Variants in NR2E1 observed in about 807,000 individuals in gnomAD.
NR2E1 encodes the protein nuclear receptor subfamily 2 group E member 1.
In NR2E1, 5 loss-of-function variants were observed where a neutral mutation model predicts 43.6. The observed-to-expected ratio is 0.11, with a 90% confidence interval of 0.06 to 0.24. NR2E1 has a LOEUF of 0.24. NR2E1 is among the 10% of genes least tolerant of loss of function. NR2E1 has a pLI of 1.00. For missense variants in NR2E1, 287 were observed against 496.7 expected, an observed-to-expected ratio of 0.58 and a Z score of 4.01; for synonymous variants, 191 against 195.5, an observed-to-expected ratio of 0.98 and a Z score of 0.19.
intron 4 of NR2E1, 116 bp from the exon 5 acceptor site, chr6:108,177,979 A>C: frequency 8.7e-7 from 1 of 1,145,880 alleles, no homozygotes; most frequent in Admixed American, 1.8e-5. Flanking sequence ...TTTAAACAAA[A>C]CATCCAAATT....
chr6:108,176,821 G>A, intron 4 of NR2E1, 83 bp downstream of exon 4: 1 of 1,339,638 alleles, frequency 7.5e-7, no homozygotes, highest in Non-Finnish European at 1.0e-6. Context: ...TGTGTGATTG[G>A]GGTCAGGCAA....
chr6:108,176,606 C>A lies in NR2E1; in HGVS notation c.363C>A (p.Pro121=). The part of the protein sequence containing the change: ...KEENGAAAHF[P]SAALPAPAFF... The stretch of plus-strand genomic sequence containing the variant: ...AGAACGGGGCCGCCGCGCACTTTCC[C>A]TCGGCGGCGCTCCCTGCGCCGGCCT... Residue 121 remains proline (P), a synonymous_variant, in exon 4 of 9, where the codon CCC becomes CCA. Coordinates refer to ENST00000368986, the MANE Select transcript of NR2E1 (RefSeq NM_003269.5). The A allele has an allele frequency of 1.9e-6, 3 of 1,612,334 alleles. No individual in the cohort carries two copies. Among genetic ancestry groups the A allele is most frequent in the Non-Finnish European group, 2.5e-6 (3 of 1,179,806 alleles).
Position 108,187,664 on chromosome 6 carries a change from A to G in NR2E1, c.*201A>G. 1.7e-6 allele frequency: 1 copy of G among 590,894 alleles called. No individual in the cohort carries two copies. The highest frequency in any genetic ancestry group is 3.0e-6 in the Non-Finnish European group (1 of 331,600). The allele number at this position is 590,894 out of a possible 1,614,324, so 36.6% of individuals were successfully genotyped here. A position where few individuals can be genotyped will look rare whatever the true frequency, so the allele number is the denominator to read the frequency against. ...CCAGGATAGGGCGGGTGGGAAGGAG[A>G]GGGGTGCAACAGGACCGCCTGCACT... On this transcript the variant is annotated 3_prime_UTR_variant, in exon 9 of 9. Coordinates refer to ENST00000368986, the MANE Select transcript of NR2E1 (RefSeq NM_003269.5).
intron 2 of NR2E1, among the ~76,000 whole-genome samples, chr6:108,172,577 C>T (rs539739411): frequency 3.6e-4 from 55 of 152,298 alleles, no homozygotes; most frequent in African/African-American, 1.3e-3. Context: ...GTACAGAGTC[C>T]TCCATTTCAC....
In NR2E1 at chr6:108,176,437, G is replaced by A. The variant is rs552065706; in HGVS notation, c.260-66G>A. 6.6e-6 allele frequency: 10 copies of A among 1,512,650 alleles called. No homozygotes were observed. In the Admixed American group the frequency reaches 1.4e-4, roughly 22 times the overall value. The allele number at this position is 1,512,650 out of a possible 1,614,324, so 93.7% of individuals were successfully genotyped here. A position where few individuals can be genotyped will look rare whatever the true frequency, so the allele number is the denominator to read the frequency against. Reference sequence around the variant, plus strand: ...TGACATTGGGGCGGGGCTGGGGGGAGAGCCGCAGCGGCTGTGTCTCGACGT... The same window carrying A: ...TGACATTGGGGCGGGGCTGGGGGGAAAGCCGCAGCGGCTGTGTCTCGACGT... On this transcript the variant is annotated intron_variant, in intron 3 of 8. Coordinates refer to ENST00000368986, the MANE Select transcript of NR2E1 (RefSeq NM_003269.5).
chr6:108,178,516 G>C (rs1773936132), intron 5 of NR2E1, among the ~76,000 whole-genome samples: 2 of 152,158 alleles, frequency 1.3e-5, no homozygotes, highest in Non-Finnish European at 2.9e-5. Flanking sequence ...CTTTTTGTTT[G>C]ATTGGAACAG....
intron 8 of NR2E1, among the ~76,000 whole-genome samples, chr6:108,186,058 G>A (rs1282126434): frequency 6.6e-6 from 1 of 152,184 alleles, no homozygotes; most frequent in African/African-American, 2.4e-5. Context: ...AGTGGCCAAG[G>A]TGAAAGGGAG....
rs2233494 is a variant in NR2E1 at position 108,178,145 on chromosome 6, G to A, written c.546G>A (p.Thr182=). Residue 182 remains threonine, a synonymous_variant, in exon 5 of 9, where the codon ACG becomes ACA. Coordinates refer to ENST00000368986, the MANE Select transcript of NR2E1 (RefSeq NM_003269.5). ...CAATGTATCTCTATGAAGTGGCCAC[G>A]GAGTCGGTGTGTGAATCAGCTGCCA... is the stretch of plus-strand genomic sequence containing the variant. ...GTPMYLYEVA[T]ESVCESAARL... is the part of the protein sequence containing the mutation. 1.1e-4 allele frequency: 177 copies of A among 1,614,172 alleles called. No homozygotes were observed. In the African/African-American group the frequency reaches 1.6e-3, roughly 14 times the overall value.
At chr6:108,175,888 A>T (rs1189061891) in intron 3 of NR2E1, among the ~76,000 whole-genome samples, 1 of 152,112 alleles carries the variant, frequency 6.6e-6, no homozygotes, top group African/African-American at 2.4e-5. Context: ...TGTTTGTTTA[A>T]ACTGTTGGTG....
intron 4 of NR2E1, 40 bp downstream of exon 4, chr6:108,176,778 G>T (rs1262304554): frequency 6.6e-7 from 1 of 1,515,040 alleles, no homozygotes. Context: ...TCGTGCCAGC[G>T]AATGGAGAGG....
At chr6:108,168,087 G>T in intron 1 of NR2E1, 2 of 1,603,528 alleles carry the variant, frequency 1.2e-6, no homozygotes, top group Non-Finnish European at 1.7e-6. Context: ...GGAATGCAGA[G>T]CGGACCCTGG....
chr6:108,170,604 T>TA (rs1473193579), intron 1 of NR2E1, among the ~76,000 whole-genome samples: 5 of 148,690 alleles, frequency 3.4e-5, no homozygotes, highest in Non-Finnish European at 5.9e-5. Context: ...ATTCTTAATT[T>TA]AAAAAAAAAT....
chr6:108,166,082 C>T lies in NR2E1; in HGVS notation c.-684C>T, dbSNP rs1773704045. The stretch of plus-strand genomic sequence containing the variant: ...TGGAGATATTACAGGGGACCCAGCC[C>T]GCAGCGACAGGCACAAAGTCACGGG... On this transcript the variant is annotated 5_prime_UTR_variant, in exon 1 of 9. Coordinates refer to ENST00000368986, the MANE Select transcript of NR2E1 (RefSeq NM_003269.5). This position sits in a 1 kb window ranked among gnomAD's most constrained non-coding sequence, Gnocchi z 7.2. 6.5e-6 allele frequency: 1 copy of T among 152,706 alleles called. No individual in the cohort carries two copies. Among genetic ancestry groups the T allele is most frequent in the Non-Finnish European group, 1.5e-5 (1 of 68,096 alleles). The allele number at this position is 152,706 out of a possible 1,614,324, so 9.5% of individuals were successfully genotyped here.
Position 108,171,439 on chromosome 6 carries a change from G to T in NR2E1, c.26-19G>T. ...CCTCTCGCCCCTTCCCCCCTTCCCC[G>T]TCTTTCCTGCGATTTCAGGCCGCAT... On this transcript the variant is annotated intron_variant, in intron 1 of 8. Coordinates refer to ENST00000368986, the MANE Select transcript of NR2E1 (RefSeq NM_003269.5). 1 of 1,612,564 alleles carries T rather than the reference G, an allele frequency of 6.2e-7. No individual in the cohort carries two copies. Among genetic ancestry groups the T allele is most frequent in the South Asian group, 1.1e-5 (1 of 91,018 alleles).
At chr6:108,178,306 T>C (rs1335561023) in intron 5 of NR2E1, 65 bp downstream of exon 5, 1 of 1,576,194 alleles carries the variant, frequency 6.3e-7, no homozygotes, top group African/African-American at 1.3e-5. Flanking sequence ...CTCAGCCTTA[T>C]AAAACTTCCT....
At chr6:108,177,719 A>T (rs1026713526) in intron 4 of NR2E1, among the ~76,000 whole-genome samples, 13 of 152,238 alleles carry the variant, frequency 8.5e-5, no homozygotes, top group Non-Finnish European at 7.3e-5. Flanking sequence ...TGGGATGCCT[A>T]TTAATTTATA....
intron 2 of NR2E1, among the ~76,000 whole-genome samples, chr6:108,174,554 GCTCT>G (rs1356254101): frequency 6.6e-6 from 1 of 152,074 alleles, no homozygotes; most frequent in East Asian, 1.9e-4. Flanking sequence ...GCCAAACCCG[GCTCT>G]CTAAGCTTCA....
chr6:108,178,198 C>T lies in NR2E1; in HGVS notation c.599C>T (p.Ala200Val). 1 of 1,614,140 alleles carries T rather than the reference C, an allele frequency of 6.2e-7. No individual in the cohort carries two copies. Among genetic ancestry groups the T allele is most frequent in the Non-Finnish European group, 8.5e-7 (1 of 1,180,026 alleles). ...CTTCTCTTCATGAGCATCAAGTGGG[C>T]TAAGAGTGTGCCAGCCTTCTCCACG... ...ARLLFMSIKW[A>V]KSVPAFSTLS... is the part of the protein sequence containing the mutation. Residue 200 changes from alanine to valine, a missense_variant, in exon 5 of 9, where the codon GCT becomes GTT. Physicochemically the swap from Ala to Val is moderately conservative, Grantham distance 64. This residue lies in a region of NR2E1 where 119 missense variants were observed against 155.7 expected (regional missense o/e 0.76). Transcript: ENST00000368986.
chr6:108,178,741 A>G (rs217528), intron 5 of NR2E1: 100,566 of 220,716 alleles, frequency 0.46, 23,646 homozygotes, highest in Non-Finnish European at 0.5. Flanking sequence ...AAGCATGTAA[A>G]ACCAAAGGGC....
Sources: allele counts gnomAD v4.1 joint callset (sites outside exome capture counted in the v4.1 genomes callset), GRCh38; gene constraint gnomAD v4.1.1; regional missense constraint gnomAD v4.1.1; non-coding constraint Gnocchi (gnomAD v3.1); transcripts MANE v1.5; gene names NCBI Gene and HGNC (gene_info 2026-07-23, HGNC 2026-07-21).